Variants in ABHD18 observed in about 807,000 individuals in gnomAD.
ABHD18 encodes the protein abhydrolase domain containing 18.
A neutral mutation model predicts 65.9 loss-of-function variants in ABHD18; 55 were observed. The observed-to-expected ratio is 0.84, with a 90% CI of 0.67 to 1.05. ABHD18 has a LOEUF of 1.05. ABHD18 is among the 50% of genes least tolerant of loss of function. ABHD18 has a pLI of 0.00. For missense variants in ABHD18, 533 were observed against 558.5 expected (o/e 0.95, Z 0.46); for synonymous variants, 181 against 180.2 (o/e 1.00, Z -0.04).
At chr4:127,998,002 A>G (rs1312004640) in intron 4 of ABHD18, among the ~76,000 whole-genome samples, 1 of 151,484 alleles carries the variant, frequency 6.6e-6, no homozygotes, top group Non-Finnish European at 1.5e-5. Context: ...TGACCCTCCA[A>G]CCTCAGCCTC....
rs566463686 is a variant in ABHD18 at position 127,972,946 on chromosome 4, T to C, written c.-18+7340T>C. 7.2e-5 allele frequency among the ~76,000 whole-genome samples: 11 copies of C among 152,252 alleles called. No individual in the cohort carries two copies. The East Asian group carries it at 9.6e-4, about 13-fold the overall frequency. On this transcript the variant is annotated intron_variant, in intron 1 of 12. Transcript: ENST00000645843. The stretch of plus-strand genomic sequence containing the variant: ...TTTGTTGTTGTTTCTGACAAAGGTG[T>C]TAAGTGAATGAAAATATATAAACAT...
At chr4:127,974,188 GT>G (rs34967150) in intron 1 of ABHD18, among the ~76,000 whole-genome samples, 3,476 of 101,316 alleles carry the variant, frequency 0.034, 175 homozygotes, top group East Asian at 0.3. Context: ...CTTAAGTTCT[GT>G]TTTTTTTTTT....
chr4:128,028,783 T>C lies in ABHD18; in HGVS notation c.1110T>C (p.Ser370=), dbSNP rs1175813571. 6.2e-7 allele frequency: 1 copy of C among 1,610,880 alleles called. No homozygotes were observed. Among genetic ancestry groups the C allele is most frequent in the East Asian group, 2.2e-5 (1 of 44,800 alleles). The change falls in exon 11 of 13, where the codon AGT becomes AGC. Residue 370 remains serine (S), a synonymous_variant. Transcript: ENST00000645843. ...HLLSKEQSRN[S]LRKESLIFMK... is the part of the protein sequence containing the mutation. ...TTAGTAAAGAACAAAGCAGAAACAGTCTTCGGAAAGAGTCTTTAATATTTA... is the reference window on the plus strand; with the variant it reads ...TTAGTAAAGAACAAAGCAGAAACAGCCTTCGGAAAGAGTCTTTAATATTTA...
intron 7 of ABHD18, among the ~76,000 whole-genome samples, chr4:128,013,977 CTTTTTTTTTT>C (rs61303818): frequency 8.7e-6 from 1 of 115,122 alleles, no homozygotes; most frequent in Admixed American, 9.6e-5. Context: ...GAATTTCCAC[CTTTTTTTTTT>C]TTTTTTTTTT....
intron 4 of ABHD18, among the ~76,000 whole-genome samples, chr4:128,004,112 T>C (rs1181315327): frequency 6.6e-6 from 1 of 152,196 alleles, no homozygotes; most frequent in Non-Finnish European, 1.5e-5. Flanking sequence ...TCAGTTGTTC[T>C]ATTTGTTCGT....
chr4:128,003,411 A>G (rs1042875701), intron 4 of ABHD18, among the ~76,000 whole-genome samples: 2 of 152,134 alleles, frequency 1.3e-5, no homozygotes, highest in Admixed American at 6.6e-5. Flanking sequence ...ATTCTGTTAA[A>G]TTAAAATACA....
intron 8 of ABHD18, 111 bp from the exon 9 acceptor site, chr4:128,019,969 T>C (rs933306541): frequency 1.7e-5 from 10 of 603,394 alleles, no homozygotes; most frequent in Non-Finnish European, 2.2e-5. Context: ...TTTGCAGACT[T>C]TGTGTTTATC....
intron 1 of ABHD18, among the ~76,000 whole-genome samples, chr4:127,968,575 A>G (rs1746141145): frequency 6.6e-6 from 1 of 152,212 alleles, no homozygotes; most frequent in Non-Finnish European, 1.5e-5. Context: ...TAAAAGCACT[A>G]GATAGCATAA....
intron 10 of ABHD18, among the ~76,000 whole-genome samples, chr4:128,023,456 CTG>C (rs1173384711): frequency 3.6e-5 from 5 of 139,080 alleles, no homozygotes; most frequent in South Asian, 4.8e-4. Flanking sequence ...TGGTGCATGC[CTG>C]TAGTCCTAGC....
intron 6 of ABHD18, among the ~76,000 whole-genome samples, chr4:128,010,563 ACT>A (rs1437162838): frequency 6.6e-6 from 1 of 150,928 alleles, no homozygotes; most frequent in Non-Finnish European, 1.5e-5. Context: ...AGGATATAAA[ACT>A]CTATGGTGTG....
At chr4:128,026,384 A>C (rs542861481) in intron 10 of ABHD18, among the ~76,000 whole-genome samples, 1 of 152,212 alleles carries the variant, frequency 6.6e-6, no homozygotes, top group East Asian at 1.9e-4. Context: ...GCTTGAACCC[A>C]AAAGGGTGAA....
chr4:128,014,444 G>A (rs980803129), intron 7 of ABHD18, among the ~76,000 whole-genome samples: 3 of 152,138 alleles, frequency 2.0e-5, no homozygotes, highest in African/African-American at 7.2e-5. Context: ...ACAGGCATAG[G>A]TTGGAATTGT....
rs1395491653 is a variant in ABHD18 at position 128,037,889 on chromosome 4, TCTC to T, written c.*2077_*2079del. The T allele has an allele frequency of 6.6e-6, 1 of 150,650 alleles. No individual in the cohort carries two copies. Among genetic ancestry groups the T allele is most frequent in the Non-Finnish European group, 1.5e-5 (1 of 67,838 alleles). 9.3% of individuals were successfully genotyped at this position (150,650 alleles called of 1,614,324 possible). A position where few individuals can be genotyped will look rare whatever the true frequency, so the allele number is the denominator to read the frequency against. On this transcript the variant is annotated 3_prime_UTR_variant, in exon 13 of 13. Transcript: ENST00000645843. ...TGGTGCTTTCTTTTTATGTTAAACT[TCTC>T]TAGCTGTCAGCTAAAATGTTAAAAA...
chr4:128,028,772 A>G lies in ABHD18; in HGVS notation c.1099A>G (p.Ser367Gly), dbSNP rs777216469. ...ATACCACCTACTTAGTAAAGAACAA[A>G]GCAGAAACAGTCTTCGGAAAGAGTC... ...QSYHLLSKEQ[S>G]RNSLRKESLI... Residue 367 changes from serine to glycine, a missense_variant, in exon 11 of 13, where the codon AGC becomes GGC. Physicochemically the swap from Ser to Gly is moderately conservative, Grantham distance 56. This residue lies in a region of ABHD18 where 220 missense variants were observed against 226.8 expected (regional missense o/e 0.97). Transcript: ENST00000645843. The G allele has an allele frequency of 6.2e-7, 1 of 1,612,642 alleles. No individual in the cohort carries two copies. Among genetic ancestry groups the G allele is most frequent in the Non-Finnish European group, 8.5e-7 (1 of 1,179,536 alleles).
chr4:127,975,676 TGATTA>T (rs1280538663), intron 1 of ABHD18, among the ~76,000 whole-genome samples: 2 of 152,210 alleles, frequency 1.3e-5, no homozygotes, highest in Non-Finnish European at 2.9e-5. Context: ...AAATCATGGC[TGATTA>T]GATAACTAGT....
At chr4:127,968,666 A>G (rs764395961) in intron 1 of ABHD18, among the ~76,000 whole-genome samples, 1 of 152,190 alleles carries the variant, frequency 6.6e-6, no homozygotes. Flanking sequence ...TAGAACTTCT[A>G]TTTTTGTTTC....
chr4:128,015,663 G>A (rs1755355499), intron 7 of ABHD18, among the ~76,000 whole-genome samples: 2 of 152,142 alleles, frequency 1.3e-5, no homozygotes, highest in East Asian at 3.9e-4. Context: ...TGGTAGGACA[G>A]TGGAAGTAAG....
rs148130473 is a variant in ABHD18 at position 127,970,268 on chromosome 4, G to A, written c.-18+4662G>A. On this transcript the variant is annotated intron_variant, in intron 1 of 12. Coordinates refer to ENST00000645843, the MANE Select transcript of ABHD18 (RefSeq NM_001358451.3). ...TGCCATGGGTGTTACAAAGAAAGAT[G>A]ATGCCCCTGGTTCATTTCATGCTGA... is the stretch of plus-strand genomic sequence containing the variant. Among the ~76,000 whole-genome samples the A allele has an allele frequency of 2.0e-5, 3 of 152,116 alleles. No homozygotes were observed. In the East Asian group the frequency reaches 5.8e-4, roughly 29 times the overall value.
At chr4:128,018,042 C>T (rs1755812252) in intron 8 of ABHD18, among the ~76,000 whole-genome samples, 1 of 152,186 alleles carries the variant, frequency 6.6e-6, no homozygotes, top group African/African-American at 2.4e-5. Context: ...CTTGCGTGCA[C>T]ACTGGGCTCC....
Sources: allele counts gnomAD v4.1 joint callset (sites outside exome capture counted in the v4.1 genomes callset), GRCh38; gene constraint gnomAD v4.1.1; regional missense constraint gnomAD v4.1.1; transcripts MANE v1.5; gene names NCBI Gene and HGNC (gene_info 2026-07-23, HGNC 2026-07-21).